Variants in GJA9 observed in about 807,000 individuals in gnomAD.
GJA9 encodes gap junction alpha-9 protein.
Under a neutral mutation model 0.4 loss-of-function variants are expected in GJA9, and 1 was observed. That is an observed-to-expected ratio of 2.50 (90% confidence interval 0.89 to 11.88). GJA9 has a LOEUF of 11.88. Ranked by LOEUF, GJA9 falls within the 30% of genes most tolerant of loss-of-function variation. The probability of loss-of-function intolerance (pLI) is 0.12; values close to 1 mark genes in which losing one functional copy is unlikely to be tolerated. For synonymous variants in GJA9, 190 were observed against 219.1 expected, an observed-to-expected ratio of 0.87 and a Z score of 1.17; for missense variants, 550 against 602.8, an observed-to-expected ratio of 0.91 and a Z score of 0.92.
At chr1:38,880,852 A>T (rs1001570331) in intron 1 of GJA9, among the ~76,000 whole-genome samples, 12 of 152,220 alleles carry the variant, frequency 7.9e-5, no homozygotes, top group African/African-American at 2.9e-4. Flanking sequence ...GTAAGCAAAG[A>T]TGTAATTCAT....
In GJA9 at chr1:38,874,358, T is replaced by C; in HGVS notation, c.*193A>G. On this transcript the variant is annotated 3_prime_UTR_variant, in exon 2 of 2. Transcript: ENST00000357771. Reference sequence around the variant, plus strand: ...AAAAAAAAAATCCTGATTTGACAACTCTATGTCTTTGAATTTAGAAGTGTT... The same window carrying C: ...AAAAAAAAAATCCTGATTTGACAACCCTATGTCTTTGAATTTAGAAGTGTT... 1 of 545,716 alleles carries C rather than the reference T, an allele frequency of 1.8e-6. No individual in the cohort carries two copies. Among genetic ancestry groups the C allele is most frequent in the Non-Finnish European group, 3.2e-6 (1 of 311,358 alleles). The allele number at this position is 545,716 out of a possible 1,614,324, so 33.8% of individuals were successfully genotyped here.
chr1:38,876,859 G>A (rs1642596267), intron 1 of GJA9, among the ~76,000 whole-genome samples: 1 of 151,712 alleles, frequency 6.6e-6, no homozygotes, highest in South Asian at 2.1e-4. Flanking sequence ...CAGGCGTGGT[G>A]GCAGGCGCTT....
At position 38,874,397 on chromosome 1, in the gene GJA9, G is replaced by C. The variant is rs1186604642; in HGVS notation, c.*154C>G. 10 of 570,748 alleles carry C rather than the reference G, an allele frequency of 1.8e-5. No homozygotes were observed. In the African/African-American group the frequency reaches 1.9e-4, roughly 11 times the overall value. 35.4% of individuals were successfully genotyped at this position (570,748 alleles called of 1,614,324 possible). A position where few individuals can be genotyped will look rare whatever the true frequency, so the allele number is the denominator to read the frequency against. On this transcript the variant is annotated 3_prime_UTR_variant, in exon 2 of 2. Coordinates refer to ENST00000357771, the MANE Select transcript of GJA9 (RefSeq NM_030772.5). ...TTTAGAAGTGTTGCTTCACAATCTC[G>C]AATTAGAGCTGTTTTTCTCTTGCTT... is the stretch of plus-strand genomic sequence containing the variant.
chr1:38,881,234 A>AT (rs1290760654), intron 1 of GJA9, among the ~76,000 whole-genome samples, 198 bp downstream of exon 1: 1 of 152,144 alleles, frequency 6.6e-6, no homozygotes, highest in Non-Finnish European at 1.5e-5. Context: ...GAAAGAAAAT[A>AT]TTTTTTTCAT....
Position 38,875,924 on chromosome 1 carries a change from G to T in GJA9, c.175C>A (p.Pro59Thr), listed in dbSNP as rs758941326. 3 of 1,614,042 alleles carry T rather than the reference G, an allele frequency of 1.9e-6. No individual in the cohort carries two copies. The highest frequency in any genetic ancestry group is 3.3e-5 in the Admixed American group (2 of 60,000). The change falls in exon 2 of 2, where the codon CCA becomes ACA. Residue 59 changes from proline (P) to threonine (T), a missense_variant. Pro to Thr is a conservative substitution (Grantham distance 38, BLOSUM62 -1). Transcript: ENST00000357771. ...TCGTAGCATACATTTCTGCAGCCTG[G>T]TTGTTCTGTATTGCAGATGAAGCCA... ...QSGFICNTEQ[P>T]GCRNVCYDQA...
At position 38,880,775 on chromosome 1, in the gene GJA9, C is replaced by CT. The variant is rs201003034; in HGVS notation, c.-96+656dup. 2.7e-3 allele frequency among the ~76,000 whole-genome samples: 411 copies of CT among 151,310 alleles called. 2 individuals carry two copies. The highest frequency in any genetic ancestry group is 9.3e-3 in the African/African-American group (380 of 40,938). On this transcript the variant is annotated intron_variant, in intron 1 of 1. Coordinates refer to ENST00000357771, the MANE Select transcript of GJA9 (RefSeq NM_030772.5). ...CCAGCCTGGGCAATAGAGTGAGACTCTGTCTCAAAAAATAAAAAAAAAGTA... is the reference window on the plus strand; with the variant it reads ...CCAGCCTGGGCAATAGAGTGAGACTCTTGTCTCAAAAAATAAAAAAAAAGTA...
chr1:38,877,745 C>T (rs1354349181), intron 1 of GJA9, among the ~76,000 whole-genome samples: 1 of 152,110 alleles, frequency 6.6e-6, no homozygotes, highest in African/African-American at 2.4e-5. Flanking sequence ...GATCCACCCG[C>T]CTCAGCCTCC....
intron 1 of GJA9, among the ~76,000 whole-genome samples, chr1:38,877,089 G>A (rs1004849494): frequency 6.7e-6 from 1 of 149,730 alleles, no homozygotes; most frequent in Non-Finnish European, 1.5e-5. Context: ...GCCCAGGCTG[G>A]AGTGCAATGG....
chr1:38,875,208 G>T lies in GJA9; in HGVS notation c.891C>A (p.Tyr297Ter). The T allele has an allele frequency of 2.5e-6, 4 of 1,614,132 alleles. No individual in the cohort carries two copies. The highest frequency in any genetic ancestry group is 3.4e-6 in the Non-Finnish European group (4 of 1,180,004). The change falls in exon 2 of 2, where the codon TAC becomes TAA. Residue 297 changes from tyrosine (Y) to a stop codon, truncating the protein, a stop_gained. Coordinates refer to ENST00000357771, the MANE Select transcript of GJA9 (RefSeq NM_030772.5). LOFTEE classifies it low-confidence loss of function (END_TRUNC). ...LVEKQTHTAVYPSLNSSSVFQ... is the reference protein window; with the variant it reads ...LVEKQTHTAV ...ATACAGAAGATGAATTTAAACTAGG[G>T]TACACTGCAGTGTGTGTTTGCTTTT... is the stretch of plus-strand genomic sequence containing the variant.
rs1642573850 is a variant in GJA9, at chr1:38,875,718, C to T, written c.381G>A (p.Arg127=). 6.2e-7 allele frequency: 1 copy of T among 1,614,172 alleles called. No homozygotes were observed. ...ELEEVEFEMP[R]DRRRLEQELC... Reference sequence around the variant, plus strand: ...GCTCTTGCTCCAATCTCCTCCGATCCCTAGGCATTTCAAACTCTACCTCCT... The same window carrying T: ...GCTCTTGCTCCAATCTCCTCCGATCTCTAGGCATTTCAAACTCTACCTCCT... The change falls in exon 2 of 2, where the codon AGG becomes AGA. Residue 127 remains arginine, a synonymous_variant. Coordinates refer to ENST00000357771, the MANE Select transcript of GJA9 (RefSeq NM_030772.5).
At position 38,874,426 on chromosome 1, in the gene GJA9, T is replaced by G; in HGVS notation, c.*125A>C. The G allele has an allele frequency of 1.5e-6, 1 of 658,044 alleles. No homozygotes were observed. The highest frequency in any genetic ancestry group is 2.6e-6 in the Non-Finnish European group (1 of 386,042). The allele number at this position is 658,044 out of a possible 1,614,324, so 40.8% of individuals were successfully genotyped here. A position where few individuals can be genotyped will look rare whatever the true frequency, so the allele number is the denominator to read the frequency against. ...TAGAGCTGTTTTTCTCTTGCTTAAA[T>G]GAGTTTGCAGTTGTCTGTCTTAACA... On this transcript the variant is annotated 3_prime_UTR_variant, in exon 2 of 2. Coordinates refer to ENST00000357771, the MANE Select transcript of GJA9 (RefSeq NM_030772.5).
At position 38,874,500 on chromosome 1, in the gene GJA9, A is replaced by G. The variant is rs772504332; in HGVS notation, c.*51T>C. ...TCTATTTTTTCTGTGCCCCACGACC[A>G]CTAGGCTACTTCTCTGATAATATAT... On this transcript the variant is annotated 3_prime_UTR_variant, in exon 2 of 2. Coordinates refer to ENST00000357771, the MANE Select transcript of GJA9 (RefSeq NM_030772.5). 7.0e-6 allele frequency: 10 copies of G among 1,427,682 alleles called. No homozygotes were observed. The South Asian group carries it at 8.8e-5, about 13-fold the overall frequency. The allele number at this position is 1,427,682 out of a possible 1,614,324, so 88.4% of individuals were successfully genotyped here.
At position 38,880,428 on chromosome 1, in the gene GJA9, T is replaced by A. The variant is rs56377797; in HGVS notation, c.-96+1004A>T. On this transcript the variant is annotated intron_variant, in intron 1 of 1. Coordinates refer to ENST00000357771, the MANE Select transcript of GJA9 (RefSeq NM_030772.5). Reference sequence around the variant, plus strand: ...AAAAAAAAATAAATAATAATAATAATAATAATAATAATAATAATAATAATA... The same window carrying A: ...AAAAAAAAATAAATAATAATAATAAAAATAATAATAATAATAATAATAATA... Among the ~76,000 whole-genome samples, 714 of 118,630 alleles carry A rather than the reference T, an allele frequency of 6.0e-3. 15 individuals are homozygous for A. The highest frequency in any genetic ancestry group is 8.4e-3 in the Non-Finnish European group (438 of 52,226). 77.8% of individuals were successfully genotyped at this position (118,630 alleles called of 152,430 possible).
At position 38,876,139 on chromosome 1, in the gene GJA9, TAAG is replaced by T; in HGVS notation, c.-44_-42del. ...CATCTTAGCTCTGATCCACATCAAA[TAAG>T]AGGCAGATAAATTCTTCCATTCTGA... On this transcript the variant is annotated 5_prime_UTR_variant, in exon 2 of 2. Coordinates refer to ENST00000357771, the MANE Select transcript of GJA9 (RefSeq NM_030772.5). 6.7e-7 allele frequency: 1 copy of T among 1,482,988 alleles called. No individual in the cohort carries two copies. The highest frequency in any genetic ancestry group is 9.3e-7 in the Non-Finnish European group (1 of 1,077,362). The allele number at this position is 1,482,988 out of a possible 1,614,324, so 91.9% of individuals were successfully genotyped here.
Position 38,874,610 on chromosome 1 carries a change from C to T in GJA9, c.1489G>A (p.Val497Ile), listed in dbSNP as rs880303. 692,986 of 1,613,492 alleles carry T rather than the reference C, an allele frequency of 0.43. 153,651 individuals are homozygous for T. Among genetic ancestry groups the T allele is most frequent in the Admixed American group, 0.47 (28,047 of 59,992 alleles). Reference protein sequence around the residue: ...CNNPVCPPNHVVSLTNNLIGR... With the variant: ...CNNPVCPPNHIVSLTNNLIGR... Reference sequence around the variant, plus strand: ...ATGAGATTGTTCGTTAGGGACACTACGTGATTTGGAGGACAAACAGGATTA... The same window carrying T: ...ATGAGATTGTTCGTTAGGGACACTATGTGATTTGGAGGACAAACAGGATTA... The change falls in exon 2 of 2, where the codon GTA (valine) becomes ATA (isoleucine). Residue 497 changes from valine (V) to isoleucine (I), a missense_variant. Transcript: ENST00000357771.
At position 38,875,136 on chromosome 1, in the gene GJA9, A is replaced by T; in HGVS notation, c.963T>A (p.Ile321=). 6.2e-7 allele frequency: 1 copy of T among 1,614,132 alleles called. No homozygotes were observed. The highest frequency in any genetic ancestry group is 8.5e-7 in the Non-Finnish European group (1 of 1,180,006). The part of the protein sequence containing the change: ...DNHSVNDEKC[I]LDEQETVLSN... ...AAAGTACAGTTTCCTGTTCATCCAA[A>T]ATGCATTTCTCATCATTTACACTAT... The change falls in exon 2 of 2, where the codon ATT becomes ATA. Residue 321 remains isoleucine, a synonymous_variant. Coordinates refer to ENST00000357771, the MANE Select transcript of GJA9 (RefSeq NM_030772.5).
intron 1 of GJA9, among the ~76,000 whole-genome samples, chr1:38,880,290 G>C (rs1642667863): frequency 1.3e-5 from 2 of 149,742 alleles, no homozygotes; most frequent in Non-Finnish European, 3.0e-5. Context: ...TGTAGTCCCA[G>C]CTACTCGGGA....
chr1:38,874,756 C>G lies in GJA9; in HGVS notation c.1343G>C (p.Arg448Thr), dbSNP rs1200845571. The change falls in exon 2 of 2, where the codon AGA becomes ACA. Residue 448 changes from arginine (R) to threonine (T), a missense_variant. Arg to Thr is a moderately conservative substitution (Grantham distance 71). Coordinates refer to ENST00000357771, the MANE Select transcript of GJA9 (RefSeq NM_030772.5). ...AGGAAGGGTTCTGACTGTGCCCTTT[C>G]TGAACTGGCCCTTGAGGTTACCTTT... ...PPKGNLKGQF[R>T]KGTVRTLPPS... The G allele has an allele frequency of 6.2e-7, 1 of 1,614,102 alleles. No individual in the cohort carries two copies. Among genetic ancestry groups the G allele is most frequent in the Non-Finnish European group, 8.5e-7 (1 of 1,180,056 alleles).
At chr1:38,879,222 A>G (rs1339031048) in intron 1 of GJA9, among the ~76,000 whole-genome samples, 1 of 152,150 alleles carries the variant, frequency 6.6e-6, no homozygotes, top group Non-Finnish European at 1.5e-5. Flanking sequence ...ATTGCATATT[A>G]AGGTTGGTAT....
Sources: gnomAD v4.1 joint callset for allele counts (sites outside exome capture counted in the v4.1 genomes callset) on GRCh38, gnomAD v4.1.1 for gene constraint, MANE v1.5 for transcripts, NCBI Gene and HGNC (gene_info 2026-07-23, HGNC 2026-07-21) for gene names.